The following OLFML1 variants were observed in gnomAD, a reference collection of about 807,000 sequenced individuals.
The protein encoded by OLFML1 is olfactomedin-like protein 1.
OLFML1 carries 33 observed loss-of-function variants against 37.3 expected under a neutral mutation model. The observed-to-expected ratio is 0.88, with a 90% CI of 0.67 to 1.18. OLFML1 has a LOEUF of 1.18. OLFML1 is among the 50% of genes most tolerant of loss of function. OLFML1 has a pLI of 0.00. For missense variants in OLFML1, 545 were observed against 483.7 expected, an observed-to-expected ratio of 1.13 and a Z score of -1.19; for synonymous variants, 186 against 181.3, an observed-to-expected ratio of 1.03 and a Z score of -0.21.
At chr11:7,504,755 T>A (rs1848764173) in intron 2 of OLFML1, 2 of 152,214 alleles carry the variant, frequency 1.3e-5, no homozygotes, top group Admixed American at 1.3e-4. Context: ...TTTGCTAACA[T>A]GCTTGCTTAC....
intron 2 of OLFML1, among the ~76,000 whole-genome samples, chr11:7,507,173 G>GCT (rs1373144878): frequency 1.3e-5 from 2 of 152,200 alleles, no homozygotes; most frequent in Non-Finnish European, 2.9e-5. Context: ...AAGAATAGTA[G>GCT]CCTGAAGTGG....
chr11:7,499,018 C>G (rs1401800102), intron 2 of OLFML1, among the ~76,000 whole-genome samples: 1 of 152,214 alleles, frequency 6.6e-6, no homozygotes, highest in African/African-American at 2.4e-5. Flanking sequence ...GTTTCGGATC[C>G]TTAACTCAGA....
In OLFML1 at chr11:7,509,446, A is replaced by C. The variant is rs1280835813; in HGVS notation, c.467A>C (p.Lys156Thr). 1 of 1,613,864 alleles carries C rather than the reference A, an allele frequency of 6.2e-7. No homozygotes were observed. The highest frequency in any genetic ancestry group is 1.7e-5 in the Admixed American group (1 of 60,008). ...MGIKSLKIVKKMMDTHGSWMK... is the reference protein window; with the variant it reads ...MGIKSLKIVKTMMDTHGSWMK... The stretch of plus-strand genomic sequence containing the variant: ...ATAAAGTCTTTGAAAATAGTGAAGA[A>C]GATGATGGACACACATGGCTCTTGG... Residue 156 changes from lysine to threonine, a missense_variant, in exon 3 of 3, where the codon AAG (lysine) becomes ACG (threonine). Transcript: ENST00000329293.
At position 7,488,152 on chromosome 11, in the gene OLFML1, C is replaced by T; in HGVS notation, c.155C>T (p.Ala52Val). The T allele has an allele frequency of 1.2e-6, 2 of 1,610,364 alleles. No homozygotes were observed. The highest frequency in any genetic ancestry group is 1.7e-6 in the Non-Finnish European group (2 of 1,177,700). The change falls in exon 2 of 3, where the codon GCA becomes GTA. Residue 52 changes from alanine to valine, a missense_variant. Physicochemically the swap from Ala to Val is moderately conservative, Grantham distance 64 (BLOSUM62 0). Transcript: ENST00000329293. The stretch of plus-strand genomic sequence containing the variant: ...CAAGGGCTGGAAAAATGTACCCAAG[C>T]AACGAGGGCATACATTCAAGAATTC... ...LEQGLEKCTQ[A>V]TRAYIQEFQE...
At chr11:7,505,839 T>C (rs36034837) in intron 2 of OLFML1, among the ~76,000 whole-genome samples, 11 of 151,462 alleles carry the variant, frequency 7.3e-5, no homozygotes, top group South Asian at 2.1e-4. Context: ...TCACCTGTCT[T>C]AAAAAAAATG....
chr11:7,489,757 T>C (rs1848573429), intron 2 of OLFML1, among the ~76,000 whole-genome samples: 1 of 151,940 alleles, frequency 6.6e-6, no homozygotes, highest in Admixed American at 6.6e-5. Flanking sequence ...AAATGATGAG[T>C]GAGAGAGATG....
At chr11:7,506,504 C>A (rs1206595458) in intron 2 of OLFML1, among the ~76,000 whole-genome samples, 1 of 151,790 alleles carries the variant, frequency 6.6e-6, no homozygotes, top group Non-Finnish European at 1.5e-5. Context: ...CTGGCCAGGG[C>A]GGGGTGTGTG....
rs778803608 is a variant in OLFML1, at chr11:7,509,787, A to G, written c.808A>G (p.Ile270Val). The stretch of plus-strand genomic sequence containing the variant: ...TTACCAGCACTCCCCCTCAACTTAC[A>G]TTGACCTGGCTGTGGATGAGCATGG... Reference protein sequence around the residue: ...LVYQHSPSTYIDLAVDEHGLW... With the variant: ...LVYQHSPSTYVDLAVDEHGLW... The change falls in exon 3 of 3, where the codon ATT becomes GTT. Residue 270 changes from isoleucine (I) to valine (V), a missense_variant. Ile to Val is a conservative substitution (Grantham distance 29). Coordinates refer to ENST00000329293, the MANE Select transcript of OLFML1 (RefSeq NM_198474.4). 5.0e-6 allele frequency: 8 copies of G among 1,614,214 alleles called. No homozygotes were observed. Among genetic ancestry groups the G allele is most frequent in the East Asian group, 2.2e-5 (1 of 44,890 alleles).
intron 2 of OLFML1, among the ~76,000 whole-genome samples, chr11:7,491,019 C>A (rs1848589559): frequency 6.6e-6 from 1 of 152,050 alleles, no homozygotes; most frequent in African/African-American, 2.4e-5. Flanking sequence ...CAAAGTGATG[C>A]AAGTTGATCT....
intron 2 of OLFML1, among the ~76,000 whole-genome samples, chr11:7,492,376 G>T (rs1341992155): frequency 6.6e-6 from 1 of 152,076 alleles, no homozygotes; most frequent in Non-Finnish European, 1.5e-5. Context: ...CAGATCAGAG[G>T]GTTTCATTCA....
chr11:7,493,272 GGGA>G (rs1346743125), intron 2 of OLFML1, among the ~76,000 whole-genome samples: 2 of 152,152 alleles, frequency 1.3e-5, no homozygotes, highest in Non-Finnish European at 2.9e-5. Context: ...TGAAGCCTCT[GGGA>G]TCTGTCCAGG....
chr11:7,495,620 C>T lies in OLFML1; in HGVS notation c.418+7205C>T, dbSNP rs1026482019. Among the ~76,000 whole-genome samples, 3 of 152,062 alleles carry T rather than the reference C, an allele frequency of 2.0e-5. No individual in the cohort carries two copies. The East Asian group carries it at 5.8e-4, about 29-fold the overall frequency. On this transcript the variant is annotated intron_variant, in intron 2 of 2. Coordinates refer to ENST00000329293, the MANE Select transcript of OLFML1 (RefSeq NM_198474.4). ...TGCTATTCTGAAAACATAAAATATA[C>T]CTCATGCATGCCTGAGTCATTTATG...
chr11:7,510,416 C>T lies in OLFML1; in HGVS notation c.*228C>T. 1 of 490,304 alleles carries T rather than the reference C, an allele frequency of 2.0e-6. No individual in the cohort carries two copies. The highest frequency in any genetic ancestry group is 3.6e-6 in the Non-Finnish European group (1 of 276,452). 30.4% of individuals were successfully genotyped at this position (490,304 alleles called of 1,614,324 possible). ...AGTTTCAACAATGTCCATTACTCCC[C>T]CAAACCTCCTGGCTCTCAAGGATGA... On this transcript the variant is annotated 3_prime_UTR_variant, in exon 3 of 3. Transcript: ENST00000329293.
rs1244331258 is a variant in OLFML1 at position 7,488,984 on chromosome 11, A to T, written c.418+569A>T. On this transcript the variant is annotated intron_variant, in intron 2 of 2. Coordinates refer to ENST00000329293, the MANE Select transcript of OLFML1 (RefSeq NM_198474.4). ...AATGTGTAGCAGCTCAAATTATAAT[A>T]AACAGTATCAGGCAATAAACACACA... 4 of 152,266 alleles carry T rather than the reference A, an allele frequency of 2.6e-5. No homozygotes were observed. The East Asian group carries it at 5.8e-4, about 22-fold the overall frequency. 9.4% of individuals were successfully genotyped at this position (152,266 alleles called of 1,614,324 possible). A position where few individuals can be genotyped will look rare whatever the true frequency, so the allele number is the denominator to read the frequency against.
chr11:7,489,938 T>C (rs1448089110), intron 2 of OLFML1, among the ~76,000 whole-genome samples: 1 of 152,096 alleles, frequency 6.6e-6, no homozygotes, highest in Middle Eastern at 3.2e-3. Flanking sequence ...ATAGGTTATT[T>C]CCTACCTCCC....
intron 2 of OLFML1, among the ~76,000 whole-genome samples, chr11:7,502,154 A>C (rs1848731530): frequency 6.6e-6 from 1 of 152,232 alleles, no homozygotes; most frequent in Non-Finnish European, 1.5e-5. Flanking sequence ...ATCAAGAAAA[A>C]GAGCACTCCA....
chr11:7,499,154 A>G (rs1356368629), intron 2 of OLFML1, among the ~76,000 whole-genome samples: 1 of 152,278 alleles, frequency 6.6e-6, no homozygotes, highest in Non-Finnish European at 1.5e-5. Context: ...AAGTTATATG[A>G]AAAGATTCAA....
chr11:7,485,813 C>T lies in OLFML1; in HGVS notation c.-63C>T. The T allele has an allele frequency of 3.2e-6, 5 of 1,556,622 alleles. No homozygotes were observed. Among genetic ancestry groups the T allele is most frequent in the Non-Finnish European group, 4.4e-6 (5 of 1,138,180 alleles). On this transcript the variant is annotated 5_prime_UTR_variant, in exon 1 of 3. Coordinates refer to ENST00000329293, the MANE Select transcript of OLFML1 (RefSeq NM_198474.4). ...ATAGAGCAGGAGAGCACCACCGGAG[C>T]CCTTGAGACATCCTTGAGAAGAGCC...
intron 2 of OLFML1, among the ~76,000 whole-genome samples, chr11:7,493,287 T>C (rs1848621828): frequency 6.6e-6 from 1 of 152,076 alleles, no homozygotes; most frequent in Non-Finnish European, 1.5e-5. Flanking sequence ...CTGTCCAGGT[T>C]TTATAAGTGT....
Sources: allele counts gnomAD v4.1 joint callset (sites outside exome capture counted in the v4.1 genomes callset), GRCh38; gene constraint gnomAD v4.1.1; transcripts MANE v1.5; gene names NCBI Gene and HGNC (gene_info 2026-07-23, HGNC 2026-07-21).